CENPP: variants seen among roughly 807,000 people sequenced by gnomAD.
CENPP encodes centromere protein P.
In CENPP, 24 loss-of-function variants were observed where a neutral mutation model predicts 35.6. That is an observed-to-expected ratio of 0.67 (90% CI 0.49 to 0.95). The LOEUF (loss-of-function observed/expected upper bound fraction) is 0.95, where lower values mean the gene tolerates loss of function less well. Ranked by LOEUF, CENPP falls within the 40% of genes least tolerant of loss-of-function variation. The pLI is 0.00. For missense variants in CENPP, 332 were observed against 345.3 expected (o/e 0.96, Z 0.31); for synonymous variants, 120 against 125.5 (o/e 0.96, Z 0.29).
chr9:92,491,321 G>T (rs1846167239), intron 5 of CENPP, among the ~76,000 whole-genome samples: 1 of 152,132 alleles, frequency 6.6e-6, no homozygotes, highest in South Asian at 2.1e-4. Flanking sequence ...GTTTTGTGGG[G>T]CTGGGGGTCC....
At chr9:92,606,469 T>C (rs779140325) in intron 5 of CENPP, among the ~76,000 whole-genome samples, 3 of 152,144 alleles carry the variant, frequency 2.0e-5, no homozygotes, top group Non-Finnish European at 4.4e-5. Context: ...GTGAAACAGT[T>C]TGGCAACTCC....
chr9:92,385,564 T>C, intron 5 of CENPP: 2 of 1,474,778 alleles, frequency 1.4e-6, no homozygotes, highest in African/African-American at 1.4e-5. Context: ...TTACTCATTG[T>C]TGAGACAGAC....
At chr9:92,482,786 A>G (rs1274797799) in intron 5 of CENPP, among the ~76,000 whole-genome samples, 1 of 152,234 alleles carries the variant, frequency 6.6e-6, no homozygotes, top group Non-Finnish European at 1.5e-5. Context: ...ATATTTATCA[A>G]TCTGAATAAA....
chr9:92,498,409 C>A (rs1846481580), intron 5 of CENPP, among the ~76,000 whole-genome samples: 1 of 151,620 alleles, frequency 6.6e-6, no homozygotes, highest in Non-Finnish European at 1.5e-5. Flanking sequence ...TGTAACAAAC[C>A]TGCACGTTGT....
Position 92,613,078 on chromosome 9 carries a change from G to A in CENPP, c.796G>A (p.Val266Ile), listed in dbSNP as rs147449317. The A allele has an allele frequency of 6.2e-7, 1 of 1,614,036 alleles. No homozygotes were observed. Among genetic ancestry groups the A allele is most frequent in the African/African-American group, 1.3e-5 (1 of 74,916 alleles). The change falls in exon 8 of 8, where the codon GTA (valine) becomes ATA (isoleucine). Residue 266 changes from valine (V) to isoleucine (I), a missense_variant. Val to Ile is a conservative substitution (Grantham distance 29). Coordinates refer to ENST00000375587, the MANE Select transcript of CENPP (RefSeq NM_001012267.3). ...TGCTCCTCTCAGCTTCCGAACCCTGGTAGGACTGCTTGGAATCGAAGCTGC... is the reference window on the plus strand; with the variant it reads ...TGCTCCTCTCAGCTTCCGAACCCTGATAGGACTGCTTGGAATCGAAGCTGC... The part of the protein sequence containing the change: ...ETAPLSFRTL[V>I]GLLGIEAALE...
At chr9:92,486,651 C>T (rs958731177) in intron 5 of CENPP, among the ~76,000 whole-genome samples, 2 of 152,152 alleles carry the variant, frequency 1.3e-5, no homozygotes, top group Non-Finnish European at 2.9e-5. Context: ...TGAGCTCACT[C>T]TGTCATCCTA....
chr9:92,349,427 C>T (rs560849626), intron 4 of CENPP, among the ~76,000 whole-genome samples: 13 of 145,702 alleles, frequency 8.9e-5, no homozygotes, highest in East Asian at 4.0e-4. Flanking sequence ...TTTTTTGAGA[C>T]GGAGTCTCGC....
intron 5 of CENPP, among the ~76,000 whole-genome samples, chr9:92,486,265 A>T (rs991578346): frequency 2.0e-5 from 3 of 152,170 alleles, no homozygotes; most frequent in Non-Finnish European, 2.9e-5. Context: ...GTAGATGCTT[A>T]AAAAAGCTTC....
chr9:92,546,793 C>CT (rs1218122913), intron 5 of CENPP, among the ~76,000 whole-genome samples: 4 of 152,122 alleles, frequency 2.6e-5, no homozygotes, highest in Non-Finnish European at 5.9e-5. Flanking sequence ...TGAATAATTT[C>CT]TTTAAAAAAA....
At chr9:92,533,328 A>AAAAAAAAAATATATATAT (rs1554683138) in intron 5 of CENPP, among the ~76,000 whole-genome samples, 3 of 38,336 alleles carry the variant, frequency 7.8e-5, no homozygotes, top group Non-Finnish European at 1.3e-4. Context: ...AAAAAAAAAA[A>AAAAAAAAAATATATATAT]ATATATATAT....
rs1193503658 is a variant in CENPP, at chr9:92,325,994, G to A, written c.-5G>A. On this transcript the variant is annotated 5_prime_UTR_variant, in exon 1 of 8. Coordinates refer to ENST00000375587, the MANE Select transcript of CENPP (RefSeq NM_001012267.3). ...TGCCGGCCCGGCTGCGGTCAGCAAC[G>A]CGCCATGGACGCAGAGCTGGCAGAG... is the stretch of plus-strand genomic sequence containing the variant. 1 of 1,549,350 alleles carries A rather than the reference G, an allele frequency of 6.5e-7. No homozygotes were observed. Among genetic ancestry groups the A allele is most frequent in the Admixed American group, 2.0e-5 (1 of 51,024 alleles).
chr9:92,355,065 A>G (rs545253234), intron 4 of CENPP, among the ~76,000 whole-genome samples: 2 of 152,340 alleles, frequency 1.3e-5, no homozygotes, highest in South Asian at 2.1e-4. Context: ...ATAAGGGTCC[A>G]TGTTCAGCGG....
At chr9:92,535,157 A>G (rs1390172536) in intron 5 of CENPP, among the ~76,000 whole-genome samples, 8 of 152,220 alleles carry the variant, frequency 5.3e-5, no homozygotes, top group South Asian at 4.1e-4. Flanking sequence ...AGGCACAGAA[A>G]TAAACTTACA....
intron 2 of CENPP, among the ~76,000 whole-genome samples, chr9:92,332,813 A>G (rs967003875): frequency 2.7e-5 from 4 of 148,050 alleles, no homozygotes; most frequent in Non-Finnish European, 6.0e-5. Flanking sequence ...ATTTAAAACA[A>G]AAAAAAAAAG....
intron 1 of CENPP, among the ~76,000 whole-genome samples, chr9:92,326,926 AAGG>A (rs1041855363): frequency 7.8e-4 from 119 of 152,344 alleles, no homozygotes; most frequent in African/African-American, 2.7e-3. Flanking sequence ...AGAAAATGGG[AAGG>A]AGGAGATCTA....
At chr9:92,329,395 A>G (rs1840669669) in intron 1 of CENPP, among the ~76,000 whole-genome samples, 1 of 152,124 alleles carries the variant, frequency 6.6e-6, no homozygotes, top group Admixed American at 6.5e-5. Context: ...CATGTTGGGC[A>G]GTCTGGTCTC....
At chr9:92,568,954 T>G (rs1405522440) in intron 5 of CENPP, among the ~76,000 whole-genome samples, 1 of 152,238 alleles carries the variant, frequency 6.6e-6, no homozygotes, top group East Asian at 1.9e-4. Flanking sequence ...TAAATTTGTT[T>G]AAGTACTTTG....
chr9:92,567,369 G>GATAGATATATAGATATATATATATATAT (rs1554688218), intron 5 of CENPP, among the ~76,000 whole-genome samples: 42 of 104,086 alleles, frequency 4.0e-4, no homozygotes, highest in African/African-American at 1.2e-3. Flanking sequence ...AGTTACATAA[G>GATAGATATATAGATATATATATATATAT]ATAGATATAT....
Position 92,498,738 on chromosome 9 carries a change from T to C in CENPP, c.565-112576T>C, listed in dbSNP as rs78832696. Among the ~76,000 whole-genome samples, 664 of 152,282 alleles carry C rather than the reference T, an allele frequency of 4.4e-3. 4 individuals are homozygous for C. The highest frequency in any genetic ancestry group is 0.014 in the African/African-American group (569 of 41,568). On this transcript the variant is annotated intron_variant, in intron 5 of 7. Coordinates refer to ENST00000375587, the MANE Select transcript of CENPP (RefSeq NM_001012267.3). ...ACCAAAAAATAATAAACTTCAAGCT[T>C]TTATTATGAGCAGTAATAATGATGT...
Sources: allele counts gnomAD v4.1 joint callset (sites outside exome capture counted in the v4.1 genomes callset), GRCh38; gene constraint gnomAD v4.1.1; transcripts MANE v1.5; gene names NCBI Gene and HGNC (gene_info 2026-07-23, HGNC 2026-07-21).